Variants in RGS7 observed in about 807,000 individuals in gnomAD.
The protein encoded by RGS7 is regulator of G protein signaling 7.
RGS7 carries 27 observed loss-of-function variants against 81.1 expected under a neutral mutation model. The observed-to-expected ratio is 0.33, with a 90% confidence interval of 0.25 to 0.46. RGS7 has a LOEUF of 0.46. Among genes scored for constraint, RGS7 ranks in the 20% least tolerant of loss-of-function variants. The pLI is 1.00. For missense variants in RGS7, 396 were observed against 607.4 expected, an observed-to-expected ratio of 0.65 and a Z score of 3.66; for synonymous variants, 208 against 207.7, an observed-to-expected ratio of 1.00 and a Z score of -0.01.
At chr1:241,021,274 T>C (rs1473645457) in intron 3 of RGS7, among the ~76,000 whole-genome samples, 1 of 151,916 alleles carries the variant, frequency 6.6e-6, no homozygotes, top group Non-Finnish European at 1.5e-5. Context: ...ATTCAGTGCA[T>C]ATGCAAGGGG....
intron 3 of RGS7, among the ~76,000 whole-genome samples, chr1:241,091,239 A>C (rs137932283): frequency 4.0e-3 from 604 of 152,340 alleles, no homozygotes; most frequent in African/African-American, 0.014. Context: ...TAAAGAAAAA[A>C]AACAGATGTC....
chr1:240,926,917 A>T (rs1203148570), intron 6 of RGS7, among the ~76,000 whole-genome samples: 1 of 152,228 alleles, frequency 6.6e-6, no homozygotes, highest in African/African-American at 2.4e-5. Flanking sequence ...TTTTTCTATA[A>T]AACCAAGATA....
At chr1:241,104,844 C>T (rs1052518714) in intron 2 of RGS7, among the ~76,000 whole-genome samples, 7 of 152,158 alleles carry the variant, frequency 4.6e-5, no homozygotes, top group African/African-American at 1.7e-4. Context: ...CTCATCTTTG[C>T]ATTGTTAATA....
At chr1:241,120,428 G>T (rs912266481) in intron 2 of RGS7, among the ~76,000 whole-genome samples, 3 of 152,052 alleles carry the variant, frequency 2.0e-5, no homozygotes, top group African/African-American at 4.8e-5. Context: ...GTTCACTACC[G>T]CCTGGAACTC....
intron 2 of RGS7, among the ~76,000 whole-genome samples, chr1:241,110,652 T>G (rs1416904141): frequency 6.6e-6 from 1 of 151,106 alleles, no homozygotes; most frequent in Non-Finnish European, 1.5e-5. Context: ...TATTTTATTT[T>G]ATTTTATTTT....
intron 6 of RGS7, among the ~76,000 whole-genome samples, chr1:240,884,106 G>C (rs1400979102): frequency 1.8e-4 from 23 of 128,004 alleles, no homozygotes; most frequent in African/African-American, 6.0e-4. Context: ...AAAAAAAAAG[G>C]CCCCAAGAGT....
At chr1:240,936,559 G>T (rs1427142396) in intron 5 of RGS7, 41 bp downstream of exon 5, 3 of 1,427,050 alleles carry the variant, frequency 2.1e-6, no homozygotes, top group African/African-American at 2.8e-5. Context: ...CGAAATGCGG[G>T]CTTCTAGTTT....
intron 2 of RGS7, among the ~76,000 whole-genome samples, chr1:241,168,453 G>A (rs1254638259): frequency 1.3e-5 from 2 of 152,112 alleles, no homozygotes; most frequent in Non-Finnish European, 2.9e-5. Context: ...CACTAGGGTG[G>A]CTCCCATGAT....
At chr1:240,929,036 A>G (rs913425848) in intron 6 of RGS7, among the ~76,000 whole-genome samples, 1 of 152,242 alleles carries the variant, frequency 6.6e-6, no homozygotes, top group African/African-American at 2.4e-5. Context: ...CCTTAGCTGT[A>G]TTAATTTGAA....
intron 2 of RGS7, among the ~76,000 whole-genome samples, chr1:241,330,963 CATTG>C (rs2081945502): frequency 6.6e-6 from 1 of 152,168 alleles, no homozygotes; most frequent in South Asian, 2.1e-4. Flanking sequence ...TTACATGTAA[CATTG>C]ATTTTCATTG....
At chr1:241,132,601 T>C (rs1392795546) in intron 2 of RGS7, among the ~76,000 whole-genome samples, 4 of 152,196 alleles carry the variant, frequency 2.6e-5, no homozygotes, top group African/African-American at 9.7e-5. Flanking sequence ...TGAAAGCCCA[T>C]GACACATATT....
chr1:240,963,032 T>C (rs1398204958), intron 4 of RGS7, among the ~76,000 whole-genome samples: 2 of 152,176 alleles, frequency 1.3e-5, no homozygotes, highest in Admixed American at 6.5e-5. Context: ...AAGATCATTA[T>C]AGATGCAGTG....
intron 2 of RGS7, among the ~76,000 whole-genome samples, chr1:241,233,547 T>C (rs1014182686): frequency 6.6e-6 from 1 of 152,220 alleles, no homozygotes. Flanking sequence ...TCTATCCAAG[T>C]TGCTGCAAAG....
intron 9 of RGS7, among the ~76,000 whole-genome samples, chr1:240,835,546 C>T (rs1457967316): frequency 6.6e-6 from 1 of 152,164 alleles, no homozygotes; most frequent in Non-Finnish European, 1.5e-5. Flanking sequence ...TCTTACAAAA[C>T]ACTCTAACCA....
intron 3 of RGS7, among the ~76,000 whole-genome samples, chr1:240,987,837 T>C (rs1685902269): frequency 6.6e-6 from 1 of 152,222 alleles, no homozygotes; most frequent in Non-Finnish European, 1.5e-5. Flanking sequence ...AGCCAACTAT[T>C]CTTAGAACCT....
rs2102936861 is a variant in RGS7 at position 240,775,586 on chromosome 1, A to G, written c.*634T>C. Reference sequence around the variant, plus strand: ...ACACAAATTTACAGAGAAGGGATCAACTTTAATACATTTGGAGTAAAAGGT... The same window carrying G: ...ACACAAATTTACAGAGAAGGGATCAGCTTTAATACATTTGGAGTAAAAGGT... On this transcript the variant is annotated 3_prime_UTR_variant, in exon 19 of 19. Transcript: ENST00000440928. 1 of 154,012 alleles carries G rather than the reference A, an allele frequency of 6.5e-6. No individual in the cohort carries two copies. Among genetic ancestry groups the G allele is most frequent in the South Asian group, 2.0e-4 (1 of 4,926 alleles). 9.5% of individuals were successfully genotyped at this position (154,012 alleles called of 1,614,324 possible).
At chr1:241,313,222 G>A (rs934711790) in intron 2 of RGS7, among the ~76,000 whole-genome samples, 2 of 152,252 alleles carry the variant, frequency 1.3e-5, no homozygotes, top group Non-Finnish European at 2.9e-5. Context: ...ATCTAGCCAA[G>A]AGAATTGATG....
chr1:240,920,493 G>T, intron 6 of RGS7: 1 of 903,260 alleles, frequency 1.1e-6, no homozygotes, highest in Non-Finnish European at 1.8e-6. Context: ...AGGAAACTTT[G>T]GAGGCAGAAG....
At chr1:241,014,934 A>G (rs2148671772) in intron 3 of RGS7, among the ~76,000 whole-genome samples, 1 of 152,204 alleles carries the variant, frequency 6.6e-6, no homozygotes, top group Non-Finnish European at 1.5e-5. Context: ...CAAAGGAAAA[A>G]TTTTTCATGG....
Sources: allele counts gnomAD v4.1 joint callset (sites outside exome capture counted in the v4.1 genomes callset), GRCh38; gene constraint gnomAD v4.1.1; transcripts MANE v1.5; gene names NCBI Gene and HGNC (gene_info 2026-07-23, HGNC 2026-07-21).